The following EIF2A variants were observed in gnomAD, a reference collection of about 807,000 sequenced individuals.
EIF2A encodes the protein 65 kDa eukaryotic translation initiation factor 2A.
A neutral mutation model predicts 75.2 loss-of-function variants in EIF2A; 62 were observed. The observed-to-expected ratio is 0.82, with a 90% CI of 0.67 to 1.02. The LOEUF is 1.02. Among genes scored for constraint, EIF2A ranks in the 50% least tolerant of loss-of-function variants. The probability of loss-of-function intolerance (pLI) is 0.00; values close to 1 mark genes in which losing one functional copy is unlikely to be tolerated. For missense variants in EIF2A, 611 were observed against 677.7 expected, an observed-to-expected ratio of 0.90 and a Z score of 1.09; for synonymous variants, 207 against 239.0, an observed-to-expected ratio of 0.87 and a Z score of 1.23.
chr3:150,580,530 A>G (rs9883613), intron 11 of EIF2A, among the ~76,000 whole-genome samples: 74,215 of 152,006 alleles, frequency 0.49, 18,311 homozygotes, highest in South Asian at 0.54. Context: ...CTTGCAGTTC[A>G]AGGCGCAACT....
chr3:150,568,307 A>T lies in EIF2A; in HGVS notation c.811+15A>T, dbSNP rs768697359. The T allele has an allele frequency of 6.3e-7, 1 of 1,579,108 alleles. No homozygotes were observed. Among genetic ancestry groups the T allele is most frequent in the Non-Finnish European group, 8.6e-7 (1 of 1,156,890 alleles). On this transcript the variant is annotated intron_variant, in intron 9 of 13. Coordinates refer to ENST00000460851, the MANE Select transcript of EIF2A (RefSeq NM_032025.5). ...AGTGCAATTACGTGAGTATTCCAGC[A>T]GTCTTCCTTTGATTAGAAACAATGA...
chr3:150,549,110 A>T (rs1221471843), intron 1 of EIF2A, among the ~76,000 whole-genome samples: 1 of 142,322 alleles, frequency 7.0e-6, no homozygotes, highest in Non-Finnish European at 1.6e-5. Flanking sequence ...AAGCCAAAGC[A>T]GGTGAAAAAG....
chr3:150,575,839 A>G (rs940334838), intron 11 of EIF2A, 77 bp downstream of exon 11: 22 of 1,274,870 alleles, frequency 1.7e-5, no homozygotes, highest in Non-Finnish European at 2.3e-5. Flanking sequence ...CCGTAATCCC[A>G]GCACTTTGGG....
At chr3:150,576,034 C>T (rs1724843622) in intron 11 of EIF2A, among the ~76,000 whole-genome samples, 1 of 151,954 alleles carries the variant, frequency 6.6e-6, no homozygotes, top group Non-Finnish European at 1.5e-5. Context: ...GAGCCATGAT[C>T]GCATCACTGC....
chr3:150,563,587 C>T lies in EIF2A; in HGVS notation c.365C>T (p.Ser122Phe). The change falls in exon 5 of 14, where the codon TCT becomes TTT. Residue 122 changes from serine (S) to phenylalanine (F), a missense_variant. Ser to Phe is a radical substitution (Grantham distance 155). Coordinates refer to ENST00000460851, the MANE Select transcript of EIF2A (RefSeq NM_032025.5). ...YDVKTGTCLKSFIQKKMQNWC... is the reference protein window; with the variant it reads ...YDVKTGTCLKFFIQKKMQNWC... ...GTGAAAACTGGGACATGTTTGAAAT[C>T]TTTCATCCAGAAAAAAATGCAAAAT... The T allele has an allele frequency of 6.5e-7, 1 of 1,535,244 alleles. No homozygotes were observed. Among genetic ancestry groups the T allele is most frequent in the Non-Finnish European group, 8.8e-7 (1 of 1,142,610 alleles).
intron 1 of EIF2A, 90 bp downstream of exon 1, chr3:150,546,920 A>T: frequency 6.4e-7 from 1 of 1,566,622 alleles, no homozygotes. Flanking sequence ...GGAGCCGGGG[A>T]GTCTGATCTG....
chr3:150,562,044 C>A (rs534278727), intron 3 of EIF2A, among the ~76,000 whole-genome samples: 3 of 151,998 alleles, frequency 2.0e-5, no homozygotes, highest in Admixed American at 2.0e-4. Flanking sequence ...CAGGTGTGAG[C>A]GACTGCACCT....
At position 150,581,634 on chromosome 3, in the gene EIF2A, AG is replaced by A; in HGVS notation, c.1515del (p.Ser506ValfsTer28). 1 of 1,551,350 alleles carries A rather than the reference AG, an allele frequency of 6.4e-7. No homozygotes were observed. The highest frequency in any genetic ancestry group is 1.2e-5 in the South Asian group (1 of 83,964). On this transcript the variant is annotated frameshift_variant, in exon 12 of 14. Coordinates refer to ENST00000460851, the MANE Select transcript of EIF2A (RefSeq NM_032025.5). LOFTEE classifies it high-confidence loss of function. ...KAAKQEARSDKSPDLAPTPAP... is the reference protein window; with the variant it reads ...KAAKQEARSDXSPDLAPTPAP... ...TTCCTGCAGGAAGCAAGAAGTGACA[AG>A]AGTCCAGATTTGGCACCTACTCCTG...
chr3:150,551,946 T>TATAAAGCA (rs1723337407), intron 1 of EIF2A, among the ~76,000 whole-genome samples: 3 of 152,212 alleles, frequency 2.0e-5, no homozygotes, highest in Non-Finnish European at 4.4e-5. Context: ...CATATACTTT[T>TATAAAGCA]TTTATTACTT....
Position 150,581,632 on chromosome 3 carries a change from C to A in EIF2A, c.1512C>A (p.Asp504Glu). The change falls in exon 12 of 14, where the codon GAC becomes GAA. Residue 504 changes from aspartate to glutamate, a missense_variant. Asp to Glu is a conservative substitution (Grantham distance 45). Transcript: ENST00000460851. ...ATTTCCTGCAGGAAGCAAGAAGTGA[C>A]AAGAGTCCAGATTTGGCACCTACTC... ...KKAAKQEARS[D>E]KSPDLAPTPA... The A allele has an allele frequency of 6.4e-7, 1 of 1,551,120 alleles. No homozygotes were observed. The highest frequency in any genetic ancestry group is 8.7e-7 in the Non-Finnish European group (1 of 1,146,736).
In EIF2A at chr3:150,572,411, C is replaced by T; in HGVS notation, c.1265C>T (p.Pro422Leu). The T allele has an allele frequency of 1.2e-6, 2 of 1,613,964 alleles. No homozygotes were observed. The highest frequency in any genetic ancestry group is 1.7e-6 in the Non-Finnish European group (2 of 1,179,890). ...CAGCCATTTTTGGATGGAATATTTC[C>T]AGCAAAAACAATAACTTACCAAGCA... ...SWQPFLDGIF[P>L]AKTITYQAVP... The change falls in exon 10 of 14, where the codon CCA becomes CTA. Residue 422 changes from proline (P) to leucine (L), a missense_variant. Coordinates refer to ENST00000460851, the MANE Select transcript of EIF2A (RefSeq NM_032025.5).
chr3:150,546,983 G>GT, intron 1 of EIF2A, 153 bp downstream of exon 1: 1 of 1,021,186 alleles, frequency 9.8e-7, no homozygotes, highest in South Asian at 1.5e-5. Flanking sequence ...TTGATATAGC[G>GT]TGGCAATCGG....
intron 6 of EIF2A, chr3:150,566,147 C>A (rs1724173823): frequency 6.6e-6 from 1 of 152,030 alleles, no homozygotes; most frequent in African/African-American, 2.4e-5. Flanking sequence ...GTGTTTCAGT[C>A]CATTGTAGTT....
intron 11 of EIF2A, 64 bp downstream of exon 11, chr3:150,575,826 C>A: frequency 2.2e-6 from 3 of 1,371,644 alleles, no homozygotes; most frequent in Non-Finnish European, 3.0e-6. Flanking sequence ...CAGTGGCTCA[C>A]GCCCGTAATC....
chr3:150,549,022 C>T (rs1042389029), intron 1 of EIF2A, among the ~76,000 whole-genome samples: 3 of 152,056 alleles, frequency 2.0e-5, no homozygotes, highest in Non-Finnish European at 4.4e-5. Flanking sequence ...AATTTAGACT[C>T]GTGGGATTTT....
At chr3:150,560,707 A>T (rs1250524362) in intron 3 of EIF2A, among the ~76,000 whole-genome samples, 7 of 143,492 alleles carry the variant, frequency 4.9e-5, no homozygotes, top group Non-Finnish European at 7.5e-5. Flanking sequence ...CTGGAATAAG[A>T]TGGAGAGTCT....
At chr3:150,550,792 G>A (rs1359164828) in intron 1 of EIF2A, among the ~76,000 whole-genome samples, 4 of 152,296 alleles carry the variant, frequency 2.6e-5, no homozygotes, top group South Asian at 4.1e-4. Context: ...TCAGCCGTGC[G>A]AATAGCTGGG....
intron 5 of EIF2A, among the ~76,000 whole-genome samples, chr3:150,563,991 G>C (rs1472760334): frequency 6.6e-6 from 1 of 151,978 alleles, no homozygotes; most frequent in Non-Finnish European, 1.5e-5. Context: ...GCTAATTTTT[G>C]TATTTTTAGT....
chr3:150,571,539 C>A (rs187593221), intron 9 of EIF2A, among the ~76,000 whole-genome samples: 35 of 152,218 alleles, frequency 2.3e-4, no homozygotes, highest in Admixed American at 2.2e-3. Flanking sequence ...CCCAGGAAGT[C>A]GAGGCAGCAG....
Sources: allele counts gnomAD v4.1 joint callset (sites outside exome capture counted in the v4.1 genomes callset), GRCh38; gene constraint gnomAD v4.1.1; transcripts MANE v1.5; gene names NCBI Gene and HGNC (gene_info 2026-07-23, HGNC 2026-07-21).